SPIRE1: variants seen among roughly 807,000 people sequenced by gnomAD.
SPIRE1 encodes protein spire homolog 1.
A neutral mutation model predicts 94.1 loss-of-function variants in SPIRE1; 40 were observed. That is an observed-to-expected ratio of 0.43 (90% CI 0.33 to 0.55). The LOEUF is 0.55. Among genes scored for constraint, SPIRE1 ranks in the 20% least tolerant of loss-of-function variants. The pLI, the probability that SPIRE1 is intolerant of heterozygous loss-of-function variation, is 0.06. For missense variants in SPIRE1, 838 were observed against 975.2 expected, an observed-to-expected ratio of 0.86 and a Z score of 1.87; for synonymous variants, 376 against 371.7, an observed-to-expected ratio of 1.01 and a Z score of -0.13.
chr18:12,593,594 G>A (rs771105071), intron 2 of SPIRE1, among the ~76,000 whole-genome samples: 9 of 152,176 alleles, frequency 5.9e-5, no homozygotes, highest in Admixed American at 6.5e-5. Flanking sequence ...GAAATACAAC[G>A]GAAACAAGAC....
intron 12 of SPIRE1, among the ~76,000 whole-genome samples, chr18:12,459,543 A>AGAT (rs1326228060): frequency 8.5e-5 from 13 of 152,252 alleles, no homozygotes; most frequent in African/African-American, 3.1e-4. Context: ...CCCCTTCATC[A>AGAT]GATGCTGCAT....
At position 12,615,941 on chromosome 18, in the gene SPIRE1, T is replaced by C. The variant is rs181116046; in HGVS notation, c.372+19121A>G. Among the ~76,000 whole-genome samples, 171 of 152,356 alleles carry C rather than the reference T, an allele frequency of 1.1e-3. 1 individual carries two copies. Among genetic ancestry groups the C allele is most frequent in the Non-Finnish European group, 5.4e-4 (37 of 68,032 alleles). On this transcript the variant is annotated intron_variant, in intron 2 of 16. Coordinates refer to ENST00000409402, the MANE Select transcript of SPIRE1 (RefSeq NM_001128626.2). ...CTTAGCAACCTTTTACAGCTTGTCA[T>C]GAGTTGCAGAATTCTCTCAATCTTC...
intron 1 of SPIRE1, among the ~76,000 whole-genome samples, chr18:12,652,386 T>C (rs2038404722): frequency 6.6e-6 from 1 of 152,218 alleles, no homozygotes; most frequent in Non-Finnish European, 1.5e-5. Flanking sequence ...TTATTATTAC[T>C]ACAACTGCAT....
At chr18:12,562,223 T>C (rs1466639729) in intron 2 of SPIRE1, among the ~76,000 whole-genome samples, 1 of 152,230 alleles carries the variant, frequency 6.6e-6, no homozygotes, top group Non-Finnish European at 1.5e-5. Flanking sequence ...ACCTTGTTTA[T>C]GCTATGGACC....
chr18:12,626,531 T>C (rs2037630665), intron 2 of SPIRE1, among the ~76,000 whole-genome samples: 1 of 152,112 alleles, frequency 6.6e-6, no homozygotes, highest in African/African-American at 2.4e-5. Context: ...CCGTTGGCTA[T>C]AAAATGCCAA....
chr18:12,561,019 G>C (rs2035667435), intron 2 of SPIRE1, among the ~76,000 whole-genome samples: 1 of 152,192 alleles, frequency 6.6e-6, no homozygotes, highest in African/African-American at 2.4e-5. Context: ...AATGCTTGAA[G>C]TGATGGAGAC....
chr18:12,577,744 A>C (rs1209811721), intron 2 of SPIRE1, among the ~76,000 whole-genome samples: 1 of 152,246 alleles, frequency 6.6e-6, no homozygotes, highest in Non-Finnish European at 1.5e-5. Flanking sequence ...TCTTCAAAAG[A>C]CAACAATAAC....
chr18:12,563,321 C>CTT (rs201789746), intron 2 of SPIRE1, among the ~76,000 whole-genome samples: 33 of 147,290 alleles, frequency 2.2e-4, no homozygotes, highest in African/African-American at 7.7e-4. Flanking sequence ...TTATATTAGT[C>CTT]TTTTTTTTTT....
chr18:12,537,197 G>A (rs1211570206), intron 3 of SPIRE1, among the ~76,000 whole-genome samples: 3 of 152,186 alleles, frequency 2.0e-5, no homozygotes, highest in Non-Finnish European at 2.9e-5. Flanking sequence ...TACTCACAGA[G>A]CCACTAGTAA....
chr18:12,633,164 C>A (rs1472735577), intron 2 of SPIRE1, among the ~76,000 whole-genome samples: 1 of 152,116 alleles, frequency 6.6e-6, no homozygotes, highest in Non-Finnish European at 1.5e-5. Context: ...ACAAAACTTA[C>A]CTCTTCTGAC....
intron 12 of SPIRE1, among the ~76,000 whole-genome samples, chr18:12,459,204 T>G (rs929488781): frequency 6.6e-6 from 1 of 152,322 alleles, no homozygotes; most frequent in South Asian, 2.1e-4. Flanking sequence ...AAAAGGAAAC[T>G]TGAAATTTCT....
At position 12,489,398 on chromosome 18, in the gene SPIRE1, CT is replaced by C. The variant is rs1310944540; in HGVS notation, c.1190-3399del. Among the ~76,000 whole-genome samples, 10 of 152,274 alleles carry C rather than the reference CT, an allele frequency of 6.6e-5. No homozygotes were observed. The East Asian group carries it at 1.9e-3, about 29-fold the overall frequency. On this transcript the variant is annotated intron_variant, in intron 8 of 16. Coordinates refer to ENST00000409402, the MANE Select transcript of SPIRE1 (RefSeq NM_001128626.2). ...TTCTCTAATATCTTTTTATTCTGCTCTTTTTTTCTCTAGCACTTGAATATAT... is the reference window on the plus strand; with the variant it reads ...TTCTCTAATATCTTTTTATTCTGCTCTTTTTTCTCTAGCACTTGAATATAT...
At chr18:12,450,007 G>A in intron 16 of SPIRE1, 111 bp from the exon 17 acceptor site, 1 of 1,112,028 alleles carries the variant, frequency 9.0e-7, no homozygotes. Flanking sequence ...TCATGGAATG[G>A]ATGAGTGATT....
At chr18:12,492,824 T>C (rs763628780) in intron 8 of SPIRE1, among the ~76,000 whole-genome samples, 3 of 152,122 alleles carry the variant, frequency 2.0e-5, no homozygotes, top group Non-Finnish European at 4.4e-5. Flanking sequence ...CACGATGTTC[T>C]CATATAGTTC....
chr18:12,458,358 T>C (rs2031621350), intron 12 of SPIRE1, among the ~76,000 whole-genome samples: 1 of 151,456 alleles, frequency 6.6e-6, no homozygotes, highest in South Asian at 2.1e-4. Flanking sequence ...ACGCCTGTAA[T>C]CCCAGCACTT....
chr18:12,561,719 A>G (rs886327742), intron 2 of SPIRE1, among the ~76,000 whole-genome samples: 1 of 152,250 alleles, frequency 6.6e-6, no homozygotes, highest in African/African-American at 2.4e-5. Flanking sequence ...TATTAAAGAC[A>G]TCCCATATAT....
intron 4 of SPIRE1, among the ~76,000 whole-genome samples, chr18:12,523,863 C>T (rs2034430214): frequency 1.3e-5 from 2 of 152,066 alleles, no homozygotes; most frequent in South Asian, 2.1e-4. Context: ...TTTTTAAAAA[C>T]TATTTTTTGC....
intron 2 of SPIRE1, among the ~76,000 whole-genome samples, chr18:12,590,850 T>C (rs984543277): frequency 3.9e-5 from 6 of 152,196 alleles, no homozygotes; most frequent in African/African-American, 1.4e-4. Flanking sequence ...GTTTGTAAAA[T>C]GGGTTATGCA....
At chr18:12,508,842 T>C (rs2033929128) in intron 5 of SPIRE1, among the ~76,000 whole-genome samples, 1 of 152,120 alleles carries the variant, frequency 6.6e-6, no homozygotes, top group East Asian at 1.9e-4. Flanking sequence ...GCCAAGCTAA[T>C]TTTTTGTATT....
Sources: allele counts gnomAD v4.1 joint callset (sites outside exome capture counted in the v4.1 genomes callset), GRCh38; gene constraint gnomAD v4.1.1; transcripts MANE v1.5; gene names NCBI Gene and HGNC (gene_info 2026-07-23, HGNC 2026-07-21).